The following CTSW variants were observed in gnomAD, a reference collection of about 807,000 sequenced individuals.
CTSW encodes lymphopain.
CTSW carries 42 observed loss-of-function variants against 43.8 expected under a neutral mutation model. The ratio of observed to expected loss-of-function variants is 0.96; its 90% CI spans 0.75 to 1.24. CTSW has a LOEUF of 1.24. Among genes scored for constraint, CTSW ranks in the 50% most tolerant of loss-of-function variants. The pLI is 0.00. For synonymous variants in CTSW, 191 were observed against 184.8 expected (o/e 1.03, Z -0.27); for missense variants, 475 against 479.9 (o/e 0.99, Z 0.09).
In CTSW at chr11:65,882,802, T is replaced by C. The variant is rs776054466; in HGVS notation, c.643T>C (p.Tyr215His). ...AGGCGGCCTGGCCAGTGAAAAGGAC[T>C]ACCCGTTCCAGGGCAAAGTCAGAGC... Reference protein sequence around the residue: ...NNSGLASEKDYPFQGKVRAHR... With the variant: ...NNSGLASEKDHPFQGKVRAHR... The change falls in exon 7 of 10, where the codon TAC becomes CAC. Residue 215 changes from tyrosine (Y) to histidine (H), a missense_variant. Physicochemically the swap from Tyr to His is moderately conservative, Grantham distance 83. Transcript: ENST00000307886. The C allele has an allele frequency of 1.2e-6, 2 of 1,614,140 alleles. No homozygotes were observed. The highest frequency in any genetic ancestry group is 1.7e-6 in the Non-Finnish European group (2 of 1,180,022).
At chr11:65,883,161 G>T (rs1222560533) in intron 8 of CTSW, 28 bp downstream of exon 8, 3 of 1,613,766 alleles carry the variant, frequency 1.9e-6, no homozygotes, top group Non-Finnish European at 1.7e-6. Context: ...ATGGGGAAGG[G>T]GCATACAGGA....
chr11:65,883,238 G>C lies in CTSW; in HGVS notation c.834G>C (p.Lys278Asn). 1 of 1,613,746 alleles carries C rather than the reference G, an allele frequency of 6.2e-7. No individual in the cohort carries two copies. Among genetic ancestry groups the C allele is most frequent in the Non-Finnish European group, 8.5e-7 (1 of 1,179,878 alleles). ...AGCTATACCGGAAAGGTGTGATCAA[G>C]GCCACACCCACCACCTGTGACCCCC... ...PLQLYRKGVI[K>N]ATPTTCDPQL... The change falls in exon 9 of 10, where the codon AAG becomes AAC. Residue 278 changes from lysine to asparagine, a missense_variant. Lys to Asn is a moderately conservative substitution (Grantham distance 94). Transcript: ENST00000307886.
Position 65,883,074 on chromosome 11 carries a change from G to A in CTSW, c.751G>A (p.Ala251Thr). The A allele has an allele frequency of 6.2e-7, 1 of 1,614,120 alleles. No individual in the cohort carries two copies. Among genetic ancestry groups the A allele is most frequent in the Non-Finnish European group, 8.5e-7 (1 of 1,180,018 alleles). ...GATGATGTTCCTGTCCCCAGGAATTGCGCAGTACCTGGCCACTTATGGCCC... is the reference window on the plus strand; with the variant it reads ...GATGATGTTCCTGTCCCCAGGAATTACGCAGTACCTGGCCACTTATGGCCC... ...IMLQNNEHRI[A>T]QYLATYGPIT... Residue 251 changes from alanine to threonine, a missense_variant, in exon 8 of 10, where the codon GCG (alanine) becomes ACG (threonine). Coordinates refer to ENST00000307886, the MANE Select transcript of CTSW (RefSeq NM_001335.4).
rs755923670 is a variant in CTSW, at chr11:65,883,094, T to G, written c.771T>G (p.Tyr257Ter). 2 of 1,614,096 alleles carry G rather than the reference T, an allele frequency of 1.2e-6. No homozygotes were observed. The highest frequency in any genetic ancestry group is 1.7e-6 in the Non-Finnish European group (2 of 1,180,002). Reference protein sequence around the residue: ...EHRIAQYLATYGPITVTINMK... With the variant: ...EHRIAQYLAT Reference sequence around the variant, plus strand: ...GAATTGCGCAGTACCTGGCCACTTATGGCCCCATCACCGTGACCATCAACA... The same window carrying G: ...GAATTGCGCAGTACCTGGCCACTTAGGGCCCCATCACCGTGACCATCAACA... The change falls in exon 8 of 10, where the codon TAT becomes TAG. Residue 257 changes from tyrosine (Y) to a stop codon, truncating the protein, a stop_gained. Transcript: ENST00000307886. LOFTEE classifies it high-confidence loss of function.
Position 65,882,625 on chromosome 11 carries a change from C to G in CTSW, c.555C>G (p.Gly185=). 6.2e-7 allele frequency: 1 copy of G among 1,614,196 alleles called. No individual in the cohort carries two copies. The highest frequency in any genetic ancestry group is 8.5e-7 in the Non-Finnish European group (1 of 1,180,038). The change falls in exon 6 of 10, where the codon GGC becomes GGG. Residue 185 remains glycine (G), a synonymous_variant. Transcript: ENST00000307886. ...TTGCACCAGAACTGCTGGACTGTGGCCGCTGTGGGGATGGCTGCCACGGTG... is the reference window on the plus strand; with the variant it reads ...TTGCACCAGAACTGCTGGACTGTGGGCGCTGTGGGGATGGCTGCCACGGTG... ...DVSVQELLDC[G]RCGDGCHGGF... is the part of the protein sequence containing the mutation.
chr11:65,883,324 T>C lies in CTSW; in HGVS notation c.920T>C (p.Ile307Thr), dbSNP rs754886560. The change falls in exon 9 of 10, where the codon ATA (isoleucine) becomes ACA (threonine). Residue 307 changes from isoleucine to threonine, a missense_variant. By Grantham distance (89) the Ile-to-Thr change is moderately conservative (BLOSUM62 -1). Transcript: ENST00000307886. The stretch of plus-strand genomic sequence containing the variant: ...GGCAGCGTCAAGTCAGAGGAGGGGA[T>C]ATGGGCAGAGACAGTCTCATCGCAG... ...GFGSVKSEEG[I>T]WAETVSSQSQ... The C allele has an allele frequency of 1.9e-6, 3 of 1,614,008 alleles. No individual in the cohort carries two copies. The Admixed American group carries it at 5.0e-5, about 27-fold the overall frequency.
In CTSW at chr11:65,883,257, G is replaced by A; in HGVS notation, c.853G>A (p.Asp285Asn). 1 of 1,613,948 alleles carries A rather than the reference G, an allele frequency of 6.2e-7. No individual in the cohort carries two copies. The highest frequency in any genetic ancestry group is 8.5e-7 in the Non-Finnish European group (1 of 1,179,952). The change falls in exon 9 of 10, where the codon GAC becomes AAC. Residue 285 changes from aspartate to asparagine, a missense_variant. By Grantham distance (23) the Asp-to-Asn change is conservative. Transcript: ENST00000307886. Reference sequence around the variant, plus strand: ...GATCAAGGCCACACCCACCACCTGTGACCCCCAGCTTGTGGACCACTCTGT... The same window carrying A: ...GATCAAGGCCACACCCACCACCTGTAACCCCCAGCTTGTGGACCACTCTGT... ...GVIKATPTTC[D>N]PQLVDHSVLL... is the part of the protein sequence containing the mutation.
chr11:65,883,484 C>T, intron 9 of CTSW, 24 bp from the exon 10 acceptor site: 1 of 1,611,780 alleles, frequency 6.2e-7, no homozygotes, highest in Non-Finnish European at 8.5e-7. Flanking sequence ...CACCTTCCCG[C>T]CCCTATGTCC....
Position 65,882,735 on chromosome 11 carries a change from G to A in CTSW, c.620-44G>A, listed in dbSNP as rs576058318. 3.1e-6 allele frequency: 5 copies of A among 1,614,188 alleles called. No individual in the cohort carries two copies. The South Asian group carries it at 4.4e-5, about 14-fold the overall frequency. ...CTCTGGACATCTGCAGGGGGACAGG[G>A]TGGGCAGGAGCGGAACCTCCTCCCT... is the stretch of plus-strand genomic sequence containing the variant. On this transcript the variant is annotated intron_variant, in intron 6 of 9. Transcript: ENST00000307886.
intron 7 of CTSW, 48 bp downstream of exon 7, chr11:65,882,952 G>C: frequency 6.2e-7 from 1 of 1,612,760 alleles, no homozygotes; most frequent in Middle Eastern, 1.7e-4. Context: ...CAGACACCGG[G>C]GCAGAGGCAG....
At chr11:65,880,494 C>T in intron 2 of CTSW, 2 of 427,864 alleles carry the variant, frequency 4.7e-6, no homozygotes, top group South Asian at 2.2e-5. Flanking sequence ...CTAACCTTTA[C>T]ATTTTTAGTA....
At position 65,882,806 on chromosome 11, in the gene CTSW, C is replaced by T. The variant is rs764898943; in HGVS notation, c.647C>T (p.Pro216Leu). The T allele has an allele frequency of 8.7e-6, 14 of 1,614,054 alleles. No individual in the cohort carries two copies. Among genetic ancestry groups the T allele is most frequent in the African/African-American group, 2.7e-5 (2 of 74,918 alleles). The change falls in exon 7 of 10, where the codon CCG (proline) becomes CTG (leucine). Residue 216 changes from proline to leucine, a missense_variant. Transcript: ENST00000307886. ...GGCCTGGCCAGTGAAAAGGACTACC[C>T]GTTCCAGGGCAAAGTCAGAGCCCAC... is the stretch of plus-strand genomic sequence containing the variant. ...NSGLASEKDY[P>L]FQGKVRAHRC...
chr11:65,883,102 T>A lies in CTSW; in HGVS notation c.779T>A (p.Ile260Asn). 6.2e-7 allele frequency: 1 copy of A among 1,614,070 alleles called. No homozygotes were observed. Among genetic ancestry groups the A allele is most frequent in the East Asian group, 2.2e-5 (1 of 44,884 alleles). The change falls in exon 8 of 10, where the codon ATC (isoleucine) becomes AAC (asparagine). Residue 260 changes from isoleucine (I) to asparagine (N), a missense_variant. Coordinates refer to ENST00000307886, the MANE Select transcript of CTSW (RefSeq NM_001335.4). ...CAGTACCTGGCCACTTATGGCCCCATCACCGTGACCATCAACATGAAGCCC... is the reference window on the plus strand; with the variant it reads ...CAGTACCTGGCCACTTATGGCCCCAACACCGTGACCATCAACATGAAGCCC... ...IAQYLATYGP[I>N]TVTINMKPLQ...
Position 65,883,609 on chromosome 11 carries a change from C to T in CTSW, c.1122C>T (p.Cys374=). 1 of 1,613,702 alleles carries T rather than the reference C, an allele frequency of 6.2e-7. No individual in the cohort carries two copies. The highest frequency in any genetic ancestry group is 8.5e-7 in the Non-Finnish European group (1 of 1,179,716). The change falls in exon 10 of 10, where the codon TGC becomes TGT. Residue 374 remains cysteine (C), a synonymous_variant. Coordinates refer to ENST00000307886, the MANE Select transcript of CTSW (RefSeq NM_001335.4). ...QKPDMKPRVS[C]PP ...CGGATATGAAGCCCCGAGTCTCCTG[C>T]CCTCCCTGAACCCACCTGGCCCCCT...
chr11:65,883,572 G>A lies in CTSW; in HGVS notation c.1085G>A (p.Arg362His), dbSNP rs760246700. The change falls in exon 10 of 10, where the codon CGT becomes CAT. Residue 362 changes from arginine (R) to histidine (H), a missense_variant. Arg to His is a conservative substitution (Grantham distance 29). Coordinates refer to ENST00000307886, the MANE Select transcript of CTSW (RefSeq NM_001335.4). ...CGITKFPLTARVQKPDMKPRV... is the reference protein window; with the variant it reads ...CGITKFPLTAHVQKPDMKPRV... ...ATCACCAAGTTCCCGCTCACTGCCC[G>A]TGTGCAGAAACCGGATATGAAGCCC... 67 of 1,613,932 alleles carry A rather than the reference G, an allele frequency of 4.2e-5. No homozygotes were observed. The Middle Eastern group carries it at 6.6e-4, about 16-fold the overall frequency.
chr11:65,882,912 C>CAGGGCAGGGACACGGGCGG lies in CTSW; in HGVS notation c.745+10_745+28dup, dbSNP rs1397152515. ...TGCAGAACAACGAGCACAGTGCGGGCAGGGCAGGGACACGGGCGGATGGCA... is the reference window on the plus strand; with the variant it reads ...TGCAGAACAACGAGCACAGTGCGGGCAGGGCAGGGACACGGGCGGAGGGCAGGGACACGGGCGGATGGCA... On this transcript the variant is annotated intron_variant, in intron 7 of 9. Transcript: ENST00000307886. 6.2e-7 allele frequency: 1 copy of CAGGGCAGGGACACGGGCGG among 1,613,730 alleles called. No individual in the cohort carries two copies. The highest frequency in any genetic ancestry group is 8.5e-7 in the Non-Finnish European group (1 of 1,179,982).
At position 65,882,173 on chromosome 11, in the gene CTSW, A is replaced by T; in HGVS notation, c.287-2A>T. Reference sequence around the variant, plus strand: ...ACCTCAGTGGCCCTGTCTGTTCCCCAGAGGAGGAGTTTGGCCAGCTCTATG... The same window carrying T: ...ACCTCAGTGGCCCTGTCTGTTCCCCTGAGGAGGAGTTTGGCCAGCTCTATG... On this transcript the variant is annotated splice_acceptor_variant, in intron 3 of 9. Transcript: ENST00000307886. LOFTEE classifies it high-confidence loss of function. 6.2e-7 allele frequency: 1 copy of T among 1,614,040 alleles called. No individual in the cohort carries two copies. The highest frequency in any genetic ancestry group is 1.1e-5 in the South Asian group (1 of 91,080).
Position 65,879,887 on chromosome 11 carries a change from G to A in CTSW, c.33G>A (p.Leu11=), listed in dbSNP as rs747014155. ...TGACTGCCCACCCCTCCTGCCTCCT[G>A]GCCCTGTTGGTGGCAGGCCTAGCCC... MALTAHPSCL[L]ALLVAGLAQG... Residue 11 remains leucine (L), a synonymous_variant, in exon 1 of 10, where the codon CTG becomes CTA. Transcript: ENST00000307886. 206 of 1,601,670 alleles carry A rather than the reference G, an allele frequency of 1.3e-4. No individual in the cohort carries two copies. Among genetic ancestry groups the A allele is most frequent in the Non-Finnish European group, 1.7e-4 (196 of 1,169,920 alleles).
In CTSW at chr11:65,881,451, G is replaced by T; in HGVS notation, c.217G>T (p.Ala73Ser). ...LDIFAHNLAQ[A>S]QRLQEEDLGT... ...CATCTTTGCCCACAACCTGGCCCAG[G>T]CTCAGAGGCTGCAGGAGGAGGACTT... Residue 73 changes from alanine (A) to serine (S), a missense_variant, in exon 3 of 10, where the codon GCT becomes TCT. Transcript: ENST00000307886. 6.2e-7 allele frequency: 1 copy of T among 1,611,050 alleles called. No homozygotes were observed. The highest frequency in any genetic ancestry group is 8.5e-7 in the Non-Finnish European group (1 of 1,178,382).
Sources: allele counts gnomAD v4.1 joint callset, GRCh38; gene constraint gnomAD v4.1.1; transcripts MANE v1.5; gene names NCBI Gene and HGNC (gene_info 2026-07-23, HGNC 2026-07-21).